SLC35D1: variants seen among roughly 807,000 people sequenced by gnomAD.
The protein encoded by SLC35D1 is solute carrier family 35 member D1.
A neutral mutation model predicts 46.7 loss-of-function variants in SLC35D1; 31 were observed. That is an observed-to-expected ratio of 0.66 (90% CI 0.50 to 0.90). The LOEUF (loss-of-function observed/expected upper bound fraction) is 0.90, where lower values mean the gene tolerates loss of function less well. SLC35D1 is among the 40% of genes least tolerant of loss of function. SLC35D1 has a pLI of 0.00. For synonymous variants in SLC35D1, 195 were observed against 164.6 expected (o/e 1.18, Z -1.41); for missense variants, 397 against 426.2 (o/e 0.93, Z 0.60).
chr1:66,986,701 T>C, the SLC35D1 span: 11 of 395,222 alleles, frequency 2.8e-5, no homozygotes, highest in Middle Eastern at 6.0e-4. Context: ...GTTACATACA[T>C]ATCTAAGTAA....
Position 67,003,052 on chromosome 1 carries a change from C to T in SLC35D1, c.*1288G>A, listed in dbSNP as rs1225490308. The T allele has an allele frequency of 6.6e-6, 1 of 152,346 alleles. No homozygotes were observed. Among genetic ancestry groups the T allele is most frequent in the Non-Finnish European group, 1.5e-5 (1 of 68,052 alleles). The allele number at this position is 152,346 out of a possible 1,614,324, so 9.4% of individuals were successfully genotyped here. The stretch of plus-strand genomic sequence containing the variant: ...AGCTCAGTAGGTGAGCCAAGGGGCA[C>T]ATGATGTAGGTGAGAATGTTGAAAG... On this transcript the variant is annotated 3_prime_UTR_variant, in exon 12 of 12. Coordinates refer to ENST00000235345, the MANE Select transcript of SLC35D1 (RefSeq NM_015139.3).
At chr1:67,012,534 G>T (rs568231571) in intron 10 of SLC35D1, among the ~76,000 whole-genome samples, 17 of 91,158 alleles carry the variant, frequency 1.9e-4, no homozygotes, top group South Asian at 4.3e-4. Flanking sequence ...CTTTAAATTA[G>T]ACTCCTAAAT....
intron 11 of SLC35D1, among the ~76,000 whole-genome samples, chr1:67,007,578 G>C (rs886971688): frequency 6.6e-6 from 1 of 152,130 alleles, no homozygotes; most frequent in African/African-American, 2.4e-5. Flanking sequence ...TTACTGACTC[G>C]ATCATTATCA....
chr1:66,981,790 ATCG>A, the SLC35D1 span: 1 of 1,613,258 alleles, frequency 6.2e-7, no homozygotes, highest in Non-Finnish European at 8.5e-7. Flanking sequence ...GATTACATGG[ATCG>A]TCTTCTAGAC....
the SLC35D1 span, among the ~76,000 whole-genome samples, chr1:66,979,107 T>A: frequency 5.3e-5 from 8 of 152,134 alleles, no homozygotes; most frequent in Admixed American, 1.3e-4. Context: ...GTTTTTTTTT[T>A]ATAAAGTTTA....
chr1:67,031,641 G>C (rs1455857714), intron 8 of SLC35D1, among the ~76,000 whole-genome samples: 1 of 152,048 alleles, frequency 6.6e-6, no homozygotes, highest in African/African-American at 2.4e-5. Context: ...CAAATAGCAG[G>C]AGTTCTAATT....
At chr1:67,037,841 T>C (rs1288987069) in intron 8 of SLC35D1, among the ~76,000 whole-genome samples, 2 of 152,138 alleles carry the variant, frequency 1.3e-5, no homozygotes, top group African/African-American at 4.8e-5. Flanking sequence ...ATTCTTTCCC[T>C]GAAAAATTAC....
chr1:66,981,909 A>C, the SLC35D1 span: 1 of 1,613,748 alleles, frequency 6.2e-7, no homozygotes, highest in Non-Finnish European at 8.5e-7. Context: ...AAGCACTGCT[A>C]ATCAAAATGG....
intron 10 of SLC35D1, 26 bp from the exon 11 acceptor site, chr1:67,009,193 G>A (rs1667514381): frequency 2.3e-6 from 2 of 857,840 alleles, no homozygotes; most frequent in South Asian, 1.8e-5. Flanking sequence ...GTAATATACT[G>A]TTATATAGGT....
At chr1:66,981,939 T>C in the SLC35D1 span, 1 of 1,611,382 alleles carries the variant, frequency 6.2e-7, no homozygotes, top group South Asian at 1.1e-5. Flanking sequence ...AGAGAAACAT[T>C]TCTCTTTCTT....
At chr1:67,028,680 A>C (rs192251246) in intron 8 of SLC35D1, among the ~76,000 whole-genome samples, 52 of 152,242 alleles carry the variant, frequency 3.4e-4, no homozygotes, top group African/African-American at 1.2e-3. Context: ...TTGCAGAAAA[A>C]AAATTTCTAC....
Position 67,052,760 on chromosome 1 carries a change from T to A in SLC35D1, c.324+11A>T. 6.2e-7 allele frequency: 1 copy of A among 1,613,802 alleles called. No individual in the cohort carries two copies. The highest frequency in any genetic ancestry group is 1.1e-5 in the South Asian group (1 of 91,074). On this transcript the variant is annotated intron_variant, in intron 3 of 11. Coordinates refer to ENST00000235345, the MANE Select transcript of SLC35D1 (RefSeq NM_015139.3). ...ATTTCACAAAATAAAGTATCGCTTT[T>A]CTTCTTTTACCTTTCGAGGTACATT...
At chr1:67,017,416 A>G (rs896601815) in intron 10 of SLC35D1, among the ~76,000 whole-genome samples, 2 of 152,142 alleles carry the variant, frequency 1.3e-5, no homozygotes, top group Non-Finnish European at 2.9e-5. Context: ...CCAAACTAAC[A>G]TTTTCAAATT....
the SLC35D1 span, chr1:66,985,505 A>G: frequency 7.1e-6 from 7 of 982,282 alleles, no homozygotes; most frequent in Admixed American, 1.2e-4. Flanking sequence ...GTTGACATCA[A>G]TGATGTCTTT....
chr1:67,015,202 G>A (rs1035058385), intron 10 of SLC35D1, among the ~76,000 whole-genome samples: 8 of 124,514 alleles, frequency 6.4e-5, no homozygotes, highest in East Asian at 2.3e-4. Flanking sequence ...TAGTATAAAC[G>A]TTTAAAAAGT....
chr1:67,026,924 A>G (rs187413667), intron 8 of SLC35D1, among the ~76,000 whole-genome samples: 3 of 152,278 alleles, frequency 2.0e-5, no homozygotes, highest in Non-Finnish European at 4.4e-5. Context: ...AGAACTCACT[A>G]TCACAAGAAC....
chr1:66,993,652 C>CT, the SLC35D1 span, among the ~76,000 whole-genome samples: 1 of 152,128 alleles, frequency 6.6e-6, no homozygotes, highest in Non-Finnish European at 1.5e-5. Flanking sequence ...TAAGCAAAGA[C>CT]TGTCTCACAA....
At chr1:67,043,056 A>G (rs897301974) in intron 7 of SLC35D1, among the ~76,000 whole-genome samples, 1 of 152,098 alleles carries the variant, frequency 6.6e-6, no homozygotes, top group Non-Finnish European at 1.5e-5. Flanking sequence ...TTAGCCGGGC[A>G]TGATGGTGGG....
intron 11 of SLC35D1, among the ~76,000 whole-genome samples, chr1:67,004,991 G>A (rs1343176321): frequency 6.6e-6 from 1 of 152,168 alleles, no homozygotes; most frequent in African/African-American, 2.4e-5. Context: ...TATGACAGGT[G>A]GTTGCTGGTA....
Sources: allele counts gnomAD v4.1 joint callset (sites outside exome capture counted in the v4.1 genomes callset), GRCh38; gene constraint gnomAD v4.1.1; transcripts MANE v1.5; gene names NCBI Gene and HGNC (gene_info 2026-07-23, HGNC 2026-07-21).